LRP1B: variants seen among roughly 807,000 people sequenced by gnomAD.
LRP1B encodes low-density lipoprotein receptor-related protein 1B.
Under a neutral mutation model 556.6 loss-of-function variants are expected in LRP1B, and 217 were observed. That is an observed-to-expected ratio of 0.39 (90% CI 0.35 to 0.44). The LOEUF (loss-of-function observed/expected upper bound fraction) is 0.44. LRP1B is among the 20% of genes least tolerant of loss of function. LRP1B has a pLI of 1.00. For missense variants in LRP1B, 5,053 were observed against 5,620.8 expected, an observed-to-expected ratio of 0.90 and a Z score of 3.23; for synonymous variants, 2,047 against 1,865.8, an observed-to-expected ratio of 1.10 and a Z score of -2.50.
At chr2:140,745,721 C>A (rs1412207832) in intron 35 of LRP1B, among the ~76,000 whole-genome samples, 1 of 152,074 alleles carries the variant, frequency 6.6e-6, no homozygotes, top group Non-Finnish European at 1.5e-5. Flanking sequence ...CACTTCCTAC[C>A]CAATGTAATA....
At chr2:141,937,687 T>C (rs959592252) in intron 1 of LRP1B, among the ~76,000 whole-genome samples, 24 of 151,974 alleles carry the variant, frequency 1.6e-4, no homozygotes, top group African/African-American at 5.3e-4. Context: ...AAGATACTTT[T>C]AGTTTGATGT....
chr2:140,824,867 G>C (rs1046693340), intron 31 of LRP1B, among the ~76,000 whole-genome samples: 4 of 152,022 alleles, frequency 2.6e-5, no homozygotes, highest in African/African-American at 4.8e-5. Flanking sequence ...CAATCCTGTA[G>C]AGACTCTTGC....
intron 7 of LRP1B, among the ~76,000 whole-genome samples, chr2:141,138,302 C>T (rs534730627): frequency 4.6e-5 from 7 of 151,932 alleles, no homozygotes; most frequent in South Asian, 2.1e-4. Context: ...AAGAAACTTA[C>T]GGGTAGTATA....
intron 1 of LRP1B, among the ~76,000 whole-genome samples, chr2:142,035,574 T>C (rs1007128892): frequency 4.0e-5 from 6 of 151,696 alleles, no homozygotes; most frequent in Non-Finnish European, 8.9e-5. Flanking sequence ...CTTTCTTATA[T>C]AGTCAGAATA....
Position 141,345,672 on chromosome 2 carries a change from T to G in LRP1B, c.344-91031A>C, listed in dbSNP as rs867924130. 2.8e-4 allele frequency among the ~76,000 whole-genome samples: 42 copies of G among 151,204 alleles called. 1 individual carries two copies. The highest frequency in any genetic ancestry group is 9.9e-4 in the African/African-American group (41 of 41,314). ...ACCTGGCTAATTTTTTTTTTTTTTT[T>G]TTTTTTACTTTTTATAAAAACAGGG... is the stretch of plus-strand genomic sequence containing the variant. On this transcript the variant is annotated intron_variant, in intron 3 of 90. Coordinates refer to ENST00000389484, the MANE Select transcript of LRP1B (RefSeq NM_018557.3).
At chr2:141,837,947 G>C (rs1287238718) in intron 1 of LRP1B, among the ~76,000 whole-genome samples, 1 of 152,114 alleles carries the variant, frequency 6.6e-6, no homozygotes. Flanking sequence ...ATGTCATGTT[G>C]TTGCAAATAC....
chr2:141,627,983 A>G (rs1011698736), intron 2 of LRP1B, among the ~76,000 whole-genome samples: 2 of 152,194 alleles, frequency 1.3e-5, no homozygotes, highest in African/African-American at 4.8e-5. Flanking sequence ...AATAAATTCT[A>G]TTAACAAATA....
intron 25 of LRP1B, among the ~76,000 whole-genome samples, chr2:140,879,540 C>T (rs1247287654): frequency 6.6e-6 from 1 of 152,034 alleles, no homozygotes; most frequent in Non-Finnish European, 1.5e-5. Context: ...CTTGCCATAA[C>T]ATAGTTCAAA....
rs1414261470 is a variant in LRP1B at position 141,806,661 on chromosome 2, A to G, written c.205+3618T>C. ...AGAGAATACCCTAGATCCTGGGCAC[A>G]AACACACACAGAAGAGAAGGAAAAT... is the stretch of plus-strand genomic sequence containing the variant. On this transcript the variant is annotated intron_variant, in intron 2 of 90. Transcript: ENST00000389484. Among the ~76,000 whole-genome samples, 9 of 152,192 alleles carry G rather than the reference A, an allele frequency of 5.9e-5. No homozygotes were observed. The South Asian group carries it at 1.7e-3, about 28-fold the overall frequency.
intron 31 of LRP1B, among the ~76,000 whole-genome samples, chr2:140,826,203 G>A (rs117725901): frequency 2.6e-5 from 4 of 152,050 alleles, no homozygotes; most frequent in Admixed American, 6.5e-5. Flanking sequence ...CATATATGTA[G>A]GTATACATAT....
At chr2:141,352,467 C>T (rs996621324) in intron 3 of LRP1B, among the ~76,000 whole-genome samples, 2 of 151,780 alleles carry the variant, frequency 1.3e-5, no homozygotes, top group Non-Finnish European at 2.9e-5. Flanking sequence ...AAGTCACTTT[C>T]CCCTAATGTC....
chr2:140,908,093 A>T lies in LRP1B; in HGVS notation c.3320-16T>A. ...ATGCATCTCCCTTAAGAAAACAGAA[A>T]TAGTGTCAGTTTGATTTTTGTGATT... is the stretch of plus-strand genomic sequence containing the variant. On this transcript the variant is annotated splice_polypyrimidine_tract_variant and intron_variant, in intron 21 of 90. Transcript: ENST00000389484. 1.9e-6 allele frequency: 3 copies of T among 1,603,002 alleles called. No individual in the cohort carries two copies. The highest frequency in any genetic ancestry group is 2.6e-6 in the Non-Finnish European group (3 of 1,170,636).
At chr2:140,845,534 T>A (rs1286122751) in intron 29 of LRP1B, among the ~76,000 whole-genome samples, 2 of 151,468 alleles carry the variant, frequency 1.3e-5, no homozygotes, top group African/African-American at 4.9e-5. Flanking sequence ...AAATGAGATA[T>A]ACGAGAACAG....
At position 141,492,079 on chromosome 2, in the gene LRP1B, G is replaced by GAAAAAAAAAAAAAAAAAAA. The variant is rs1553521014; in HGVS notation, c.206-11547_206-11546insTTTTTTTTTTTTTTTTTTT. Among the ~76,000 whole-genome samples the GAAAAAAAAAAAAAAAAAAA allele has an allele frequency of 2.2e-3, 18 of 8,052 alleles. 1 individual carries two copies. Among genetic ancestry groups the GAAAAAAAAAAAAAAAAAAA allele is most frequent in the Middle Eastern group, 0.17 (1 of 6 alleles). The allele number at this position is 8,052 out of a possible 152,430, so 5.3% of individuals were successfully genotyped here. On this transcript the variant is annotated intron_variant, in intron 2 of 90. Coordinates refer to ENST00000389484, the MANE Select transcript of LRP1B (RefSeq NM_018557.3). ...CTTGAAAGTCACTATTTAGCTTTCT[G>GAAAAAAAAAAAAAAAAAAA]AAAAAAAAAAAACACTAAGAAAACC...
intron 43 of LRP1B, among the ~76,000 whole-genome samples, chr2:140,563,390 T>C (rs1439276372): frequency 2.0e-5 from 3 of 148,684 alleles, no homozygotes; most frequent in African/African-American, 7.5e-5. Flanking sequence ...GCTATATAAA[T>C]GCTTTTTCTT....
intron 43 of LRP1B, among the ~76,000 whole-genome samples, chr2:140,551,226 A>G (rs1680536856): frequency 6.6e-6 from 1 of 152,186 alleles, no homozygotes; most frequent in African/African-American, 2.4e-5. Context: ...TAGTAAATAT[A>G]TATTTTTAAA....
intron 59 of LRP1B, among the ~76,000 whole-genome samples, chr2:140,483,353 G>C (rs977183134): frequency 6.6e-6 from 1 of 151,806 alleles, no homozygotes; most frequent in Admixed American, 6.6e-5. Context: ...TAACCTGGGA[G>C]AAATAAAACC....
chr2:142,108,435 A>C (rs1706837433), intron 1 of LRP1B, among the ~76,000 whole-genome samples: 2 of 152,350 alleles, frequency 1.3e-5, no homozygotes, highest in African/African-American at 4.8e-5. Flanking sequence ...GTTCAATAAA[A>C]AAACCACTAA....
chr2:140,613,400 A>ATATATAATTATATACATATAAATATATAT (rs1381358626), intron 41 of LRP1B, among the ~76,000 whole-genome samples: 2 of 84,378 alleles, frequency 2.4e-5, no homozygotes, highest in African/African-American at 3.7e-5. Context: ...TATAAATATA[A>ATATATAATTATATACATATAAATATATAT]ATAATTATAT....
Sources: gnomAD v4.1 joint callset for allele counts (sites outside exome capture counted in the v4.1 genomes callset) on GRCh38, gnomAD v4.1.1 for gene constraint, MANE v1.5 for transcripts, NCBI Gene and HGNC (gene_info 2026-07-23, HGNC 2026-07-21) for gene names.